Variants in TMEM14B observed in about 807,000 individuals in gnomAD.
TMEM14B encodes the protein transmembrane protein 14B.
Under a neutral mutation model 14.8 loss-of-function variants are expected in TMEM14B, and 9 were observed. That is an observed-to-expected ratio of 0.61 (90% CI 0.37 to 1.06). The LOEUF is 1.06. TMEM14B is among the 50% of genes least tolerant of loss of function. The probability of loss-of-function intolerance (pLI) is 0.01; values close to 1 mark genes in which losing one functional copy is unlikely to be tolerated. For synonymous variants in TMEM14B, 40 were observed against 51.3 expected (o/e 0.78, Z 0.94); for missense variants, 128 against 143.6 (o/e 0.89, Z 0.56).
chr6:10,756,791 C>T lies in TMEM14B; in HGVS notation c.*273C>T. 1 of 1,060,806 alleles carries T rather than the reference C, an allele frequency of 9.4e-7. No homozygotes were observed. Among genetic ancestry groups the T allele is most frequent in the Non-Finnish European group, 1.1e-6 (1 of 878,830 alleles). 65.7% of individuals were successfully genotyped at this position (1,060,806 alleles called of 1,614,324 possible). ...TCTCTTTCTGTATCTATAGGTAAATCTCAAGGGTAAAATGTTAGGTGTTGA... is the reference window on the plus strand; with the variant it reads ...TCTCTTTCTGTATCTATAGGTAAATTTCAAGGGTAAAATGTTAGGTGTTGA... On this transcript the variant is annotated 3_prime_UTR_variant, in exon 6 of 6. Coordinates refer to ENST00000379542, the MANE Select transcript of TMEM14B (RefSeq NM_030969.5).
intron 3 of TMEM14B, among the ~76,000 whole-genome samples, chr6:10,750,769 G>T (rs1388185172): frequency 2.0e-5 from 3 of 151,950 alleles, no homozygotes; most frequent in Admixed American, 2.0e-4. Context: ...CAATTCAGGT[G>T]GAAACAAGGC....
intron 5 of TMEM14B, chr6:10,755,630 T>C: frequency 8.3e-7 from 1 of 1,199,466 alleles, no homozygotes; most frequent in Non-Finnish European, 1.0e-6. Flanking sequence ...ATTTTGATTA[T>C]AATACCTAAA....
At chr6:10,755,257 T>G in intron 5 of TMEM14B, 25 bp downstream of exon 5, 1 of 1,614,018 alleles carries the variant, frequency 6.2e-7, no homozygotes, top group African/African-American at 1.3e-5. Context: ...TTACTCTTCT[T>G]TACCATGTAG....
chr6:10,751,025 T>C, intron 3 of TMEM14B, 108 bp from the exon 4 acceptor site: 1 of 1,315,042 alleles, frequency 7.6e-7, no homozygotes, highest in South Asian at 1.3e-5. Flanking sequence ...CTGTGAGCTG[T>C]GTTGAGAGTT....
intron 5 of TMEM14B, chr6:10,755,702 C>G: frequency 9.7e-7 from 1 of 1,028,960 alleles, no homozygotes; most frequent in Non-Finnish European, 1.2e-6. Flanking sequence ...CACCTGTAAT[C>G]CAAGCACAGT....
At chr6:10,759,750 A>G (rs1337325962), downstream of TMEM14B, 2 of 152,190 alleles carry the variant, frequency 1.3e-5, no homozygotes, top group Non-Finnish European at 2.9e-5. Flanking sequence ...GACTGTTCCA[A>G]TAAAACTATG....
intron 5 of TMEM14B, 156 bp downstream of exon 5, chr6:10,755,388 T>G: frequency 6.6e-7 from 1 of 1,518,208 alleles, no homozygotes; most frequent in Non-Finnish European, 8.8e-7. Flanking sequence ...TCAAAAACAA[T>G]AGTTGATTTA....
downstream of TMEM14B, chr6:10,759,066 G>C (rs189265220): frequency 0.027 from 4,814 of 178,846 alleles, 124 homozygotes; most frequent in Non-Finnish European, 0.039. Flanking sequence ...TTTCAGGTGT[G>C]CACCACCACA....
chr6:10,750,869 C>T (rs1191873041), intron 3 of TMEM14B, among the ~76,000 whole-genome samples: 1 of 151,994 alleles, frequency 6.6e-6, no homozygotes, highest in African/African-American at 2.4e-5. Context: ...ATAGTTCTGT[C>T]TAAGGAGGGA....
rs758460139 is a variant in TMEM14B at position 10,751,125 on chromosome 6, C to T, written c.101-8C>T. 3 of 1,613,120 alleles carry T rather than the reference C, an allele frequency of 1.9e-6. No homozygotes were observed. Among genetic ancestry groups the T allele is most frequent in the African/African-American group, 1.3e-5 (1 of 74,734 alleles). Reference sequence around the variant, plus strand: ...ATTACAATGCAAGCTGCGTTTGCTTCCTTCTAGGCAGCGTGCCGTCCCTGG... The same window carrying T: ...ATTACAATGCAAGCTGCGTTTGCTTTCTTCTAGGCAGCGTGCCGTCCCTGG... On this transcript the variant is annotated splice_region_variant and splice_polypyrimidine_tract_variant and intron_variant, in intron 3 of 5. Coordinates refer to ENST00000379542, the MANE Select transcript of TMEM14B (RefSeq NM_030969.5).
At chr6:10,755,651 G>T (rs1436966213) in intron 5 of TMEM14B, 3 of 1,120,736 alleles carry the variant, frequency 2.7e-6, no homozygotes, top group Non-Finnish European at 3.3e-6. Flanking sequence ...CCAAATTGTG[G>T]TTTTTAAAAA....
intron 4 of TMEM14B, 80 bp downstream of exon 4, chr6:10,751,314 G>A: frequency 6.6e-7 from 1 of 1,515,176 alleles, no homozygotes; most frequent in Non-Finnish European, 9.1e-7. Context: ...TTGGTGGGAT[G>A]GAGCGAGTTC....
chr6:10,757,908 T>C (rs1456681503), downstream of TMEM14B, among the ~76,000 whole-genome samples: 2 of 151,924 alleles, frequency 1.3e-5, no homozygotes, highest in Non-Finnish European at 1.5e-5. Context: ...GGAGAATTGC[T>C]TGAACCCAGG....
intron 3 of TMEM14B, 42 bp from the exon 4 acceptor site, chr6:10,751,091 G>A (rs775853122): frequency 5.0e-5 from 81 of 1,610,666 alleles, no homozygotes; most frequent in Non-Finnish European, 6.5e-5. Context: ...AGTGAAATAA[G>A]TGCCTGACAT....
At chr6:10,754,049 G>A (rs553871745) in intron 4 of TMEM14B, among the ~76,000 whole-genome samples, 2 of 152,264 alleles carry the variant, frequency 1.3e-5, no homozygotes, top group Non-Finnish European at 2.9e-5. Context: ...CAAGGCAGGC[G>A]GATTGCCGAG....
At chr6:10,758,636 G>C (rs1771880779), downstream of TMEM14B, among the ~76,000 whole-genome samples, 1 of 151,522 alleles carries the variant, frequency 6.6e-6, no homozygotes, top group Non-Finnish European at 1.5e-5. Flanking sequence ...GTGTATGATG[G>C]AGGTAGATCC....
At chr6:10,752,452 CTTTTTTT>C (rs60849022) in intron 4 of TMEM14B, among the ~76,000 whole-genome samples, 1 of 112,504 alleles carries the variant, frequency 8.9e-6, no homozygotes, top group South Asian at 3.1e-4. Flanking sequence ...CATAAACTAC[CTTTTTTT>C]TTTTTTTTTT....
chr6:10,757,902 A>G (rs1771859492), downstream of TMEM14B, among the ~76,000 whole-genome samples: 1 of 151,798 alleles, frequency 6.6e-6, no homozygotes. Context: ...GAGGCAGGAG[A>G]ATTGCTTGAA....
At chr6:10,750,864 T>C (rs1444619584) in intron 3 of TMEM14B, among the ~76,000 whole-genome samples, 1 of 151,974 alleles carries the variant, frequency 6.6e-6, no homozygotes, top group South Asian at 2.1e-4. Context: ...TAGTCATAGT[T>C]CTGTCTAAGG....
Sources: allele counts gnomAD v4.1 joint callset (sites outside exome capture counted in the v4.1 genomes callset), GRCh38; gene constraint gnomAD v4.1.1; transcripts MANE v1.5; gene names NCBI Gene and HGNC (gene_info 2026-07-23, HGNC 2026-07-21).